SLC22A9: variants seen among roughly 807,000 people sequenced by gnomAD.
The protein encoded by SLC22A9 is organic anion transporter 7.
A neutral mutation model predicts 50.1 loss-of-function variants in SLC22A9; 64 were observed. That is an observed-to-expected ratio of 1.28 (90% CI 1.04 to 1.57). The LOEUF (loss-of-function observed/expected upper bound fraction) is 1.57. Ranked by LOEUF, SLC22A9 falls within the 40% of genes most tolerant of loss-of-function variation. The pLI is 0.00. For synonymous variants in SLC22A9, 261 were observed against 242.5 expected (o/e 1.08, Z -0.71); for missense variants, 757 against 676.1 (o/e 1.12, Z -1.33).
At chr11:63,377,529 C>T (rs1460637329) in intron 5 of SLC22A9, among the ~76,000 whole-genome samples, 1 of 151,924 alleles carries the variant, frequency 6.6e-6, no homozygotes, top group Non-Finnish European at 1.5e-5. Context: ...TATAACATAC[C>T]AGAATCTCTG....
intron 6 of SLC22A9, among the ~76,000 whole-genome samples, chr11:63,405,730 T>C (rs1591029079): frequency 6.6e-6 from 1 of 152,180 alleles, no homozygotes; most frequent in East Asian, 1.9e-4. Context: ...GACTAATATC[T>C]GTAAATTTTT....
intron 5 of SLC22A9, 82 bp downstream of exon 5, chr11:63,375,850 G>A: frequency 6.6e-7 from 1 of 1,521,782 alleles, no homozygotes; most frequent in Non-Finnish European, 8.8e-7. Context: ...TGTCCATAAG[G>A]TAAAAAAAGG....
chr11:63,374,500 G>A (rs1216553552), intron 4 of SLC22A9, among the ~76,000 whole-genome samples: 1 of 152,008 alleles, frequency 6.6e-6, no homozygotes, highest in Non-Finnish European at 1.5e-5. Flanking sequence ...ACATTTTCCT[G>A]CTTAATAGAA....
At chr11:63,384,186 G>A (rs2014619803) in intron 6 of SLC22A9, among the ~76,000 whole-genome samples, 1 of 152,140 alleles carries the variant, frequency 6.6e-6, no homozygotes, top group South Asian at 2.1e-4. Context: ...GTGCAGGTTT[G>A]TTACATAGGT....
At chr11:63,379,851 C>T (rs10750998) in intron 5 of SLC22A9, among the ~76,000 whole-genome samples, 71,858 of 151,946 alleles carry the variant, frequency 0.47, 18,443 homozygotes, top group Non-Finnish European at 0.58. Flanking sequence ...CCTGCCTCAG[C>T]CTTCTGAAGA....
chr11:63,376,592 G>A (rs998508104), intron 5 of SLC22A9, among the ~76,000 whole-genome samples: 1 of 151,404 alleles, frequency 6.6e-6, no homozygotes, highest in Non-Finnish European at 1.5e-5. Context: ...TCCAAATATT[G>A]GAAATGATAT....
intron 5 of SLC22A9, among the ~76,000 whole-genome samples, chr11:63,377,556 A>G (rs1380387321): frequency 6.6e-6 from 1 of 152,100 alleles, no homozygotes; most frequent in African/African-American, 2.4e-5. Flanking sequence ...AGCTAAACAC[A>G]TGTTAAGAAG....
intron 7 of SLC22A9, among the ~76,000 whole-genome samples, chr11:63,407,462 CA>C (rs369326951): frequency 4.8e-4 from 73 of 152,252 alleles, no homozygotes; most frequent in African/African-American, 1.7e-3. Flanking sequence ...AAGTGTGCTA[CA>C]AAGCAACAGC....
chr11:63,384,484 T>A (rs1312918280), intron 6 of SLC22A9, among the ~76,000 whole-genome samples: 2 of 152,206 alleles, frequency 1.3e-5, no homozygotes, highest in African/African-American at 4.8e-5. Flanking sequence ...ATTTTTTTTA[T>A]GGCTGCATAG....
intron 6 of SLC22A9, among the ~76,000 whole-genome samples, chr11:63,383,994 A>G (rs140017541): frequency 5.3e-5 from 8 of 151,746 alleles, no homozygotes; most frequent in Admixed American, 1.3e-4. Context: ...GATTGCAGTG[A>G]GCTGAGATCG....
chr11:63,377,919 G>T (rs774017138), intron 5 of SLC22A9, among the ~76,000 whole-genome samples: 1 of 151,934 alleles, frequency 6.6e-6, no homozygotes, highest in Non-Finnish European at 1.5e-5. Context: ...TATTACAAAC[G>T]CCTCTATGCG....
chr11:63,396,252 G>C (rs2014854080), intron 6 of SLC22A9, among the ~76,000 whole-genome samples: 1 of 152,154 alleles, frequency 6.6e-6, no homozygotes, highest in African/African-American at 2.4e-5. Flanking sequence ...TTATTACAAA[G>C]TTCAGCTGCA....
At chr11:63,407,599 T>C (rs1367623063) in intron 7 of SLC22A9, among the ~76,000 whole-genome samples, 1 of 152,146 alleles carries the variant, frequency 6.6e-6, no homozygotes, top group Non-Finnish European at 1.5e-5. Flanking sequence ...TTATTCCTAA[T>C]CCTTAAAACA....
At position 63,370,079 on chromosome 11, in the gene SLC22A9, G is replaced by A. The variant is rs1318583033; in HGVS notation, c.23G>A (p.Gly8Asp). 6.2e-7 allele frequency: 1 copy of A among 1,612,936 alleles called. No homozygotes were observed. The highest frequency in any genetic ancestry group is 1.7e-5 in the Admixed American group (1 of 59,982). ...TCAATGGCCTTTCAGGACCTCCTGG[G>A]TCACGCTGGTGACCTGTGGAGATTC... The part of the protein sequence containing the change: MAFQDLL[G>D]HAGDLWRFQI... The change falls in exon 1 of 10, where the codon GGT becomes GAT. Residue 8 changes from glycine to aspartate, a missense_variant. Physicochemically the swap from Gly to Asp is moderately conservative, Grantham distance 94 (BLOSUM62 -1). Transcript: ENST00000279178.
At chr11:63,395,421 T>C (rs2014836132) in intron 6 of SLC22A9, among the ~76,000 whole-genome samples, 2 of 152,168 alleles carry the variant, frequency 1.3e-5, no homozygotes, top group Non-Finnish European at 1.5e-5. Context: ...GTTCCCTTGA[T>C]GGAGTACTCT....
At position 63,384,049 on chromosome 11, in the gene SLC22A9, GA is replaced by G. The variant is rs58436264; in HGVS notation, c.1073+1787del. Among the ~76,000 whole-genome samples the G allele has an allele frequency of 7.4e-3, 978 of 132,878 alleles. 11 individuals are homozygous for G. Among genetic ancestry groups the G allele is most frequent in the African/African-American group, 0.023 (800 of 34,620 alleles). 87.2% of individuals were successfully genotyped at this position (132,878 alleles called of 152,430 possible). A position where few individuals can be genotyped will look rare whatever the true frequency, so the allele number is the denominator to read the frequency against. On this transcript the variant is annotated intron_variant, in intron 6 of 9. Coordinates refer to ENST00000279178, the MANE Select transcript of SLC22A9 (RefSeq NM_080866.3). ...GGTGACAGAGCGAGACTCCATCTAA[GA>G]AAAAAAAAAAAAAAGAGGAACAAAG...
rs866314234 is a variant in SLC22A9, at chr11:63,371,944, C to G, written c.506+706C>G. Among the ~76,000 whole-genome samples the G allele has an allele frequency of 2.6e-5, 4 of 152,246 alleles. No homozygotes were observed. The Middle Eastern group carries it at 0.01, about 388-fold the overall frequency. ...GGGACTTGAAGTGCCACTTGCCATC[C>G]ACCAACATCATGTCTTCTGGTGTCT... On this transcript the variant is annotated intron_variant, in intron 2 of 9. Transcript: ENST00000279178.
intron 4 of SLC22A9, among the ~76,000 whole-genome samples, chr11:63,375,011 C>G (rs996341751): frequency 6.6e-6 from 1 of 152,018 alleles, no homozygotes; most frequent in Non-Finnish European, 1.5e-5. Flanking sequence ...TGGACTTTAC[C>G]TTAGAGAGAT....
chr11:63,385,116 T>G (rs1490988920), intron 6 of SLC22A9, among the ~76,000 whole-genome samples: 2 of 139,826 alleles, frequency 1.4e-5, no homozygotes, highest in East Asian at 2.0e-4. Context: ...GTTTTTTTTT[T>G]TTTTTTTTTT....
Sources: gnomAD v4.1 joint callset for allele counts (sites outside exome capture counted in the v4.1 genomes callset) on GRCh38, gnomAD v4.1.1 for gene constraint, MANE v1.5 for transcripts, NCBI Gene and HGNC (gene_info 2026-07-23, HGNC 2026-07-21) for gene names.